ANKFY1: variants seen among roughly 807,000 people sequenced by gnomAD.
ANKFY1 encodes the protein ankyrin repeat and FYVE domain-containing protein 1.
ANKFY1 carries 47 observed loss-of-function variants against 128.3 expected under a neutral mutation model. The ratio of observed to expected loss-of-function variants is 0.37; its 90% CI spans 0.29 to 0.47. ANKFY1 has a LOEUF of 0.47. ANKFY1 is among the 20% of genes least tolerant of loss of function. ANKFY1 has a pLI of 1.00. For missense variants in ANKFY1, 1,222 were observed against 1,510.6 expected (o/e 0.81, Z 3.17); for synonymous variants, 553 against 601.6 (o/e 0.92, Z 1.18).
chr17:4,256,381 T>C (rs565035248), intron 1 of ANKFY1, among the ~76,000 whole-genome samples: 139 of 151,954 alleles, frequency 9.1e-4, no homozygotes, highest in Non-Finnish European at 1.0e-3. Flanking sequence ...TGAGCTGAGA[T>C]CGCACCACTG....
intron 1 of ANKFY1, among the ~76,000 whole-genome samples, chr17:4,244,233 A>C (rs1467499309): frequency 5.9e-5 from 9 of 152,204 alleles, no homozygotes; most frequent in African/African-American, 1.9e-4. Context: ...GCCCAGCCAT[A>C]AGTCAAATAA....
intron 1 of ANKFY1, chr17:4,263,706 G>A (rs1316266653): frequency 5.3e-6 from 8 of 1,498,672 alleles, no homozygotes; most frequent in Non-Finnish European, 4.4e-6. Flanking sequence ...CTCCGCAGCC[G>A]GCCGCAGTCC....
chr17:4,213,247 T>C (rs2060166309), intron 4 of ANKFY1, among the ~76,000 whole-genome samples: 4 of 151,870 alleles, frequency 2.6e-5, no homozygotes, highest in Admixed American at 2.6e-4. Context: ...TGGAGTGCAG[T>C]GGCATGATCT....
rs771614291 is a variant in ANKFY1, at chr17:4,182,210, T to C, written c.2092A>G (p.Asn698Asp). 3 of 1,571,616 alleles carry C rather than the reference T, an allele frequency of 1.9e-6. No homozygotes were observed. The highest frequency in any genetic ancestry group is 2.6e-6 in the Non-Finnish European group (3 of 1,154,768). Residue 698 changes from asparagine (N) to aspartate (D), a missense_variant, in exon 15 of 25, where the codon AAC (asparagine) becomes GAC (aspartate). By Grantham distance (23) the Asn-to-Asp change is conservative (BLOSUM62 1). Transcript: ENST00000341657. ...GNPPLWLALANNLEDIASTLV... is the reference protein window; with the variant it reads ...GNPPLWLALADNLEDIASTLV... ...GTGGATGCGATGTCCTCCAGATTGT[T>C]TGCCAATGCAAGCCACAGCGGGGGG...
At chr17:4,213,242 T>C (rs1336893481) in intron 4 of ANKFY1, among the ~76,000 whole-genome samples, 1 of 151,764 alleles carries the variant, frequency 6.6e-6, no homozygotes, top group African/African-American at 2.4e-5. Flanking sequence ...CAGGCTGGAG[T>C]GCAGTGGCAT....
chr17:4,255,804 CACT>C (rs936201831), intron 1 of ANKFY1, among the ~76,000 whole-genome samples: 25 of 151,766 alleles, frequency 1.6e-4, no homozygotes, highest in African/African-American at 4.8e-4. Flanking sequence ...TAATTACCAC[CACT>C]ACTACTTTTC....
rs2060024746 is a variant in ANKFY1 at position 4,206,393 on chromosome 17, C to T, written c.826G>A (p.Val276Ile). ...RRLESIATTL[V>I]SHKADVDMVD... Reference sequence around the variant, plus strand: ...ATGTCCACATCAGCTTTGTGACTAACCAGCGTGGTGGCAATACTCTCCAGT... The same window carrying T: ...ATGTCCACATCAGCTTTGTGACTAATCAGCGTGGTGGCAATACTCTCCAGT... Residue 276 changes from valine (V) to isoleucine (I), a missense_variant, in exon 7 of 25, where the codon GTT becomes ATT. Physicochemically the swap from Val to Ile is conservative, Grantham distance 29. Coordinates refer to ENST00000341657, the MANE Select transcript of ANKFY1 (RefSeq NM_001330063.2). 6.2e-7 allele frequency: 1 copy of T among 1,614,088 alleles called. No homozygotes were observed. Among genetic ancestry groups the T allele is most frequent in the Non-Finnish European group, 8.5e-7 (1 of 1,180,034 alleles).
At chr17:4,180,517 A>G (rs2059491489) in intron 16 of ANKFY1, 1 of 152,160 alleles carries the variant, frequency 6.6e-6, no homozygotes. Context: ...TAATCCCAAC[A>G]CTTTGGGAGG....
At chr17:4,193,665 AT>A (rs2059759504) in intron 10 of ANKFY1, among the ~76,000 whole-genome samples, 1 of 151,964 alleles carries the variant, frequency 6.6e-6, no homozygotes, top group African/African-American at 2.4e-5. Context: ...ACCTCAGGTG[AT>A]CTGCCTGCCT....
intron 17 of ANKFY1, 99 bp from the exon 18 acceptor site, chr17:4,179,156 A>C: frequency 1.6e-6 from 2 of 1,283,630 alleles, no homozygotes; most frequent in South Asian, 1.3e-5. Flanking sequence ...AGTTATGAGA[A>C]TCGATCAATA....
intron 3 of ANKFY1, among the ~76,000 whole-genome samples, chr17:4,227,601 A>G (rs893934316): frequency 1.3e-5 from 2 of 152,206 alleles, no homozygotes; most frequent in African/African-American, 2.4e-5. Context: ...TGAGATCAAG[A>G]ACAAAGGATG....
At position 4,169,209 on chromosome 17, in the gene ANKFY1, G is replaced by C; in HGVS notation, c.3366C>G (p.Arg1122=). Residue 1122 remains arginine (R), a synonymous_variant, in exon 24 of 25, where the codon CGC becomes CGG. Transcript: ENST00000341657. This position sits in a 1 kb window ranked among gnomAD's most constrained non-coding sequence, Gnocchi z 5.0. ...CGCTGGGGTCTTACCAGTGGTGTTT[G>C]CGAGTGGTGACTCCGAACCTGGCAG... The part of the protein sequence containing the change: ...ECTARFGVTT[R]KHHCRHCGRL... 1 of 1,552,438 alleles carries C rather than the reference G, an allele frequency of 6.4e-7. No individual in the cohort carries two copies. Among genetic ancestry groups the C allele is most frequent in the Non-Finnish European group, 8.7e-7 (1 of 1,147,396 alleles).
intron 1 of ANKFY1, among the ~76,000 whole-genome samples, chr17:4,263,034 T>A (rs987424553): frequency 6.6e-6 from 1 of 151,988 alleles, no homozygotes; most frequent in Admixed American, 6.6e-5. Context: ...GGAATACTGT[T>A]CTCCAATAAT....
chr17:4,208,176 C>T (rs2060060709), intron 5 of ANKFY1, 94 bp from the exon 6 acceptor site: 1 of 1,281,268 alleles, frequency 7.8e-7, no homozygotes, highest in East Asian at 2.6e-5. Context: ...CAGTCAGGCC[C>T]TTCTTTAAGG....
chr17:4,202,221 G>C (rs184886407), intron 7 of ANKFY1, among the ~76,000 whole-genome samples: 400 of 151,638 alleles, frequency 2.6e-3, no homozygotes, highest in Non-Finnish European at 4.5e-3. Flanking sequence ...TGGCCAACAT[G>C]GCAAACCCAA....
intron 1 of ANKFY1, chr17:4,263,581 A>C: frequency 6.5e-7 from 1 of 1,534,790 alleles, no homozygotes; most frequent in Non-Finnish European, 8.7e-7. Flanking sequence ...CGATTTCCTA[A>C]GGAGAAGGCT....
chr17:4,243,005 GT>G (rs1421526652), intron 1 of ANKFY1, among the ~76,000 whole-genome samples: 3 of 152,134 alleles, frequency 2.0e-5, no homozygotes, highest in Non-Finnish European at 4.4e-5. Flanking sequence ...ATTTTCACAT[GT>G]TCTTCTAAAT....
chr17:4,207,936 G>C lies in ANKFY1; in HGVS notation c.729C>G (p.Ser243=). Residue 243 remains serine (S), a synonymous_variant, in exon 6 of 25, where the codon TCC becomes TCG. Transcript: ENST00000341657. ...VVFLYLIEMD[S]QLPGKLNEAD... is the part of the protein sequence containing the mutation. ...ATGGAAAAGGCAGCTACAGTACCTG[G>C]GAATCCATTTCAATCAGATACAGGA... 6.3e-7 allele frequency: 1 copy of C among 1,589,150 alleles called. No homozygotes were observed. Among genetic ancestry groups the C allele is most frequent in the Non-Finnish European group, 8.5e-7 (1 of 1,170,224 alleles).
chr17:4,216,904 G>A (rs2060228695), intron 4 of ANKFY1, 79 bp downstream of exon 4: 4 of 1,586,756 alleles, frequency 2.5e-6, no homozygotes, highest in Non-Finnish European at 3.4e-6. Context: ...AGCAGAAGAA[G>A]CTGTTTTCCC....
Sources: allele counts gnomAD v4.1 joint callset (sites outside exome capture counted in the v4.1 genomes callset), GRCh38; gene constraint gnomAD v4.1.1; non-coding constraint Gnocchi (gnomAD v3.1); transcripts MANE v1.5; gene names NCBI Gene and HGNC (gene_info 2026-07-23, HGNC 2026-07-21).